Variants in KHDRBS2 observed in about 807,000 individuals in gnomAD.
KHDRBS2 encodes the protein KH RNA binding domain containing, signal transduction associated 2.
Under a neutral mutation model 44.3 loss-of-function variants are expected in KHDRBS2, and 26 were observed. The observed-to-expected ratio is 0.59, with a 90% confidence interval of 0.43 to 0.81. The LOEUF (loss-of-function observed/expected upper bound fraction) is 0.81, where lower values mean the gene tolerates loss of function less well. Among genes scored for constraint, KHDRBS2 ranks in the 40% least tolerant of loss-of-function variants. The probability of loss-of-function intolerance (pLI) is 0.00; values close to 1 mark genes in which losing one functional copy is unlikely to be tolerated. For synonymous variants in KHDRBS2, 194 were observed against 151.1 expected, an observed-to-expected ratio of 1.28 and a Z score of -2.08; for missense variants, 476 against 433.1, an observed-to-expected ratio of 1.10 and a Z score of -0.88.
At chr6:61,951,114 T>C (rs1764647757) in intron 4 of KHDRBS2, among the ~76,000 whole-genome samples, 1 of 152,048 alleles carries the variant, frequency 6.6e-6, no homozygotes, top group African/African-American at 2.4e-5. Context: ...ATAAATACTT[T>C]CAATATTTCA....
intron 6 of KHDRBS2, among the ~76,000 whole-genome samples, chr6:61,774,310 T>G (rs1781553307): frequency 6.6e-6 from 1 of 152,168 alleles, no homozygotes. Context: ...TGTATCCTCT[T>G]TTATTTCATT....
chr6:62,014,553 C>T (rs1218068424), intron 3 of KHDRBS2, among the ~76,000 whole-genome samples: 1 of 152,036 alleles, frequency 6.6e-6, no homozygotes, highest in Non-Finnish European at 1.5e-5. Flanking sequence ...TGGCTAGCTA[C>T]AGTACAAGTG....
intron 6 of KHDRBS2, among the ~76,000 whole-genome samples, chr6:61,789,821 TGAA>T (rs1170839189): frequency 6.6e-6 from 1 of 151,470 alleles, no homozygotes; most frequent in Non-Finnish European, 1.5e-5. Flanking sequence ...GAAAAGCTGT[TGAA>T]GTACATTTAT....
intron 1 of KHDRBS2, among the ~76,000 whole-genome samples, chr6:62,196,258 A>C (rs1181921203): frequency 1.3e-5 from 2 of 152,188 alleles, no homozygotes; most frequent in Non-Finnish European, 2.9e-5. Context: ...CCAAGTTAAC[A>C]AACTGTCAAA....
At chr6:61,942,266 T>G (rs1182345270) in intron 4 of KHDRBS2, among the ~76,000 whole-genome samples, 1 of 152,128 alleles carries the variant, frequency 6.6e-6, no homozygotes, top group Non-Finnish European at 1.5e-5. Flanking sequence ...TGGCCAGAAT[T>G]AAAATTACAG....
chr6:61,738,203 A>T (rs1775667454), intron 6 of KHDRBS2, among the ~76,000 whole-genome samples: 2 of 152,024 alleles, frequency 1.3e-5, no homozygotes, highest in Non-Finnish European at 2.9e-5. Flanking sequence ...GAATTTCCTC[A>T]AGTACAAAGA....
rs189726228 is a variant in KHDRBS2 at position 62,043,018 on chromosome 6, C to T, written c.336+4860G>A. ...TTCACAACATGTCCATTTGTGATTT[C>T]CATTTAAGGACAATAGGTGAGTCTA... On this transcript the variant is annotated intron_variant, in intron 3 of 8. Transcript: ENST00000281156. 1.7e-3 allele frequency among the ~76,000 whole-genome samples: 259 copies of T among 152,178 alleles called. 9 individuals are homozygous for T. The South Asian group carries it at 0.048, about 28-fold the overall frequency.
In KHDRBS2 at chr6:62,050,990, T is replaced by G. The variant is rs150472679; in HGVS notation, c.220-2996A>C. Among the ~76,000 whole-genome samples the G allele has an allele frequency of 8.6e-3, 1,301 of 152,158 alleles. 18 individuals carry two copies. Among genetic ancestry groups the G allele is most frequent in the African/African-American group, 0.03 (1,231 of 41,538 alleles). Reference sequence around the variant, plus strand: ...CAACCTGGATGTATCTAACAGACATTTGAGAAGCCAGATATAAAAGAATAC... The same window carrying G: ...CAACCTGGATGTATCTAACAGACATGTGAGAAGCCAGATATAAAAGAATAC... On this transcript the variant is annotated intron_variant, in intron 2 of 8. Transcript: ENST00000281156.
At chr6:62,268,346 A>C (rs78892869) in intron 1 of KHDRBS2, among the ~76,000 whole-genome samples, 1 of 152,166 alleles carries the variant, frequency 6.6e-6, no homozygotes, top group Non-Finnish European at 1.5e-5. Flanking sequence ...ATGCTTACTA[A>C]ATGATAGTGG....
chr6:62,274,760 TATC>T (rs1383128993), intron 1 of KHDRBS2, among the ~76,000 whole-genome samples: 2 of 152,140 alleles, frequency 1.3e-5, no homozygotes, highest in Non-Finnish European at 2.9e-5. Flanking sequence ...CTACTTCTCT[TATC>T]ATTGTATTAT....
intron 4 of KHDRBS2, among the ~76,000 whole-genome samples, chr6:61,952,423 T>G (rs1448120901): frequency 6.6e-6 from 1 of 152,098 alleles, no homozygotes; most frequent in Non-Finnish European, 1.5e-5. Context: ...AATTTTTTAG[T>G]TTCCCAGTTT....
intron 1 of KHDRBS2, among the ~76,000 whole-genome samples, chr6:62,224,187 C>T (rs1388868214): frequency 1.3e-5 from 2 of 152,094 alleles, no homozygotes; most frequent in East Asian, 1.9e-4. Flanking sequence ...TACATGACAG[C>T]AGCAAGAGAA....
intron 1 of KHDRBS2, among the ~76,000 whole-genome samples, chr6:62,251,574 T>C (rs1240687770): frequency 6.6e-6 from 1 of 151,900 alleles, no homozygotes; most frequent in Non-Finnish European, 1.5e-5. Flanking sequence ...ACAATTCTGT[T>C]TTGTTAAATA....
intron 1 of KHDRBS2, among the ~76,000 whole-genome samples, chr6:62,179,258 C>T (rs781715323): frequency 6.6e-5 from 10 of 151,566 alleles, no homozygotes; most frequent in East Asian, 5.8e-4. Context: ...ATCAGTTACA[C>T]GGTACAATTT....
the KHDRBS2 span, among the ~76,000 whole-genome samples, chr6:61,644,606 A>G: frequency 6.6e-6 from 1 of 152,260 alleles, no homozygotes; most frequent in South Asian, 2.1e-4. Flanking sequence ...TTGAGCAAAT[A>G]TACAAGAAAC....
chr6:61,813,541 T>A (rs1173285245), intron 6 of KHDRBS2, among the ~76,000 whole-genome samples: 2 of 152,184 alleles, frequency 1.3e-5, no homozygotes, highest in South Asian at 4.1e-4. Flanking sequence ...TAGATTTAAG[T>A]AAGCTAATAT....
chr6:61,774,054 G>T (rs192276001), intron 6 of KHDRBS2, among the ~76,000 whole-genome samples: 56,933 of 151,964 alleles, frequency 0.37, 11,773 homozygotes, highest in African/African-American at 0.56. Context: ...TAGCCTTGTA[G>T]TATAGTTTGA....
intron 6 of KHDRBS2, among the ~76,000 whole-genome samples, chr6:61,891,988 A>T (rs939109346): frequency 1.4e-4 from 21 of 152,182 alleles, no homozygotes; most frequent in African/African-American, 4.1e-4. Flanking sequence ...ACATGATTGT[A>T]TATCTAGAAA....
At chr6:62,054,245 A>G (rs1382509822) in intron 2 of KHDRBS2, among the ~76,000 whole-genome samples, 3 of 152,090 alleles carry the variant, frequency 2.0e-5, no homozygotes, top group Non-Finnish European at 2.9e-5. Context: ...AGAACAAGTC[A>G]AGAACTATTC....
Sources: allele counts gnomAD v4.1 joint callset (sites outside exome capture counted in the v4.1 genomes callset), GRCh38; gene constraint gnomAD v4.1.1; transcripts MANE v1.5; gene names NCBI Gene and HGNC (gene_info 2026-07-23, HGNC 2026-07-21).